Variants in COLEC11 observed in about 807,000 individuals in gnomAD.
COLEC11 encodes the protein collectin subfamily member 11.
A neutral mutation model predicts 27.3 loss-of-function variants in COLEC11; 20 were observed. The observed-to-expected ratio is 0.73, with a 90% confidence interval of 0.51 to 1.06. COLEC11 has a LOEUF of 1.06. COLEC11 is among the 50% of genes least tolerant of loss of function. The pLI is 0.00. For synonymous variants in COLEC11, 163 were observed against 154.7 expected, an observed-to-expected ratio of 1.05 and a Z score of -0.40; for missense variants, 310 against 383.0, an observed-to-expected ratio of 0.81 and a Z score of 1.59.
At chr2:3,637,694 T>C (rs1310886427) in intron 4 of COLEC11, 90 bp downstream of exon 4, 2 of 1,020,014 alleles carry the variant, frequency 2.0e-6, no homozygotes, top group African/African-American at 3.2e-5. Context: ...CTGAATTGTC[T>C]CGTCTGGTGC....
chr2:3,619,257 T>C (rs58911177), intron 3 of COLEC11, among the ~76,000 whole-genome samples: 14,987 of 151,914 alleles, frequency 0.099, 1,376 homozygotes, highest in African/African-American at 0.24. Flanking sequence ...CTTTCCACTT[T>C]CCTTTTTTCT....
intron 3 of COLEC11, among the ~76,000 whole-genome samples, chr2:3,632,957 A>G (rs540320359): frequency 6.6e-6 from 1 of 152,294 alleles, no homozygotes; most frequent in South Asian, 2.1e-4. Context: ...CACCTGAACA[A>G]AGAGCCAACT....
At chr2:3,613,980 C>CTTTCT (rs66517236) in intron 3 of COLEC11, among the ~76,000 whole-genome samples, 2 of 131,132 alleles carry the variant, frequency 1.5e-5, no homozygotes, top group Admixed American at 7.7e-5. Context: ...TTCTTTCTTT[C>CTTTCT]TTTTTTTTTT....
chr2:3,603,438 T>C (rs983149338), intron 1 of COLEC11: 2 of 557,434 alleles, frequency 3.6e-6, no homozygotes, highest in Non-Finnish European at 3.3e-6. Context: ...TGCCTCAGCC[T>C]CCCAAGTAGC....
rs968212094 is a variant in COLEC11, at chr2:3,644,211, T to C, written c.*93T>C. 1.3e-5 allele frequency: 20 copies of C among 1,530,278 alleles called. No individual in the cohort carries two copies. The highest frequency in any genetic ancestry group is 1.7e-5 in the Non-Finnish European group (19 of 1,120,388). 94.8% of individuals were successfully genotyped at this position (1,530,278 alleles called of 1,614,324 possible). On this transcript the variant is annotated 3_prime_UTR_variant, in exon 7 of 7. Coordinates refer to ENST00000349077, the MANE Select transcript of COLEC11 (RefSeq NM_024027.5). Reference sequence around the variant, plus strand: ...GACCATGGTGCCAGCCAGGGAGCTGTCCCTCTGTGAAGGGTGGAGGCTCAC... The same window carrying C: ...GACCATGGTGCCAGCCAGGGAGCTGCCCCTCTGTGAAGGGTGGAGGCTCAC...
At chr2:3,613,226 C>T in intron 2 of COLEC11, 85 bp from the exon 3 acceptor site, 1 of 1,429,076 alleles carries the variant, frequency 7.0e-7, no homozygotes, top group Non-Finnish European at 9.7e-7. Context: ...GGGGAGAACG[C>T]TTCTAACTGT....
At chr2:3,597,216 G>C (rs1661899529) in intron 1 of COLEC11, among the ~76,000 whole-genome samples, 1 of 152,102 alleles carries the variant, frequency 6.6e-6, no homozygotes, top group Non-Finnish European at 1.5e-5. Flanking sequence ...GGGCTGCTCC[G>C]GGGTCAGTGA....
At chr2:3,612,471 G>A (rs566746404) in intron 2 of COLEC11, among the ~76,000 whole-genome samples, 56 of 152,254 alleles carry the variant, frequency 3.7e-4, no homozygotes, top group Non-Finnish European at 6.6e-4. Flanking sequence ...GGCAGGCTGG[G>A]CAGAGGGCAC....
intron 2 of COLEC11, among the ~76,000 whole-genome samples, chr2:3,609,448 CA>C (rs1193467912): frequency 7.1e-6 from 1 of 141,048 alleles, no homozygotes; most frequent in African/African-American, 2.6e-5. Flanking sequence ...TAGCTAACTG[CA>C]GCCTGCAACT....
At position 3,604,335 on chromosome 2, in the gene COLEC11, C is replaced by T. The variant is rs1662464619; in HGVS notation, c.-6C>T. ...TGTAGGAGTTGGTGTCCTGCCTGCG[C>T]TCAGGATGAGGGGGAATCTGGCCCT... On this transcript the variant is annotated 5_prime_UTR_variant, in exon 2 of 7. Coordinates refer to ENST00000349077, the MANE Select transcript of COLEC11 (RefSeq NM_024027.5). 1.2e-6 allele frequency: 2 copies of T among 1,613,818 alleles called. No individual in the cohort carries two copies. The highest frequency in any genetic ancestry group is 1.3e-5 in the African/African-American group (1 of 74,830).
chr2:3,612,218 ACACG>A (rs71969547), intron 2 of COLEC11, among the ~76,000 whole-genome samples: 16,492 of 151,828 alleles, frequency 0.11, 1,105 homozygotes, highest in Non-Finnish European at 0.15. Context: ...ACATGCGGAC[ACACG>A]CACACACATG....
intron 2 of COLEC11, 30 bp downstream of exon 2, chr2:3,604,500 G>C (rs372814524): frequency 1.6e-4 from 265 of 1,612,722 alleles, no homozygotes; most frequent in Non-Finnish European, 2.2e-4. Context: ...TGGGCTGCTG[G>C]GCAGTGGCCT....
intron 2 of COLEC11, among the ~76,000 whole-genome samples, 175 bp from the exon 3 acceptor site, chr2:3,613,136 A>G (rs1298744457): frequency 1.4e-5 from 2 of 145,582 alleles, no homozygotes; most frequent in African/African-American, 2.8e-5. Context: ...AAGCAGAATC[A>G]GGGGCACCCA....
Position 3,605,004 on chromosome 2 carries a change from G to T in COLEC11, c.130+534G>T, listed in dbSNP as rs755338499. On this transcript the variant is annotated intron_variant, in intron 2 of 6. Transcript: ENST00000349077. ...GTTGCTTTGTCTGTAATCTGCTCCCGGATAGAGATAGTTCTGCAGGTGAGG... is the reference window on the plus strand; with the variant it reads ...GTTGCTTTGTCTGTAATCTGCTCCCTGATAGAGATAGTTCTGCAGGTGAGG... 3.4e-5 allele frequency: 16 copies of T among 469,194 alleles called. 1 individual carries two copies. The highest frequency in any genetic ancestry group is 2.5e-4 in the South Asian group (16 of 64,168). 29.1% of individuals were successfully genotyped at this position (469,194 alleles called of 1,614,324 possible). A position where few individuals can be genotyped will look rare whatever the true frequency, so the allele number is the denominator to read the frequency against.
chr2:3,643,719 C>A lies in COLEC11; in HGVS notation c.425-8C>A. 1 of 1,613,606 alleles carries A rather than the reference C, an allele frequency of 6.2e-7. No individual in the cohort carries two copies. Among genetic ancestry groups the A allele is most frequent in the South Asian group, 1.1e-5 (1 of 91,084 alleles). On this transcript the variant is annotated splice_region_variant and splice_polypyrimidine_tract_variant and intron_variant, in intron 6 of 6. Coordinates refer to ENST00000349077, the MANE Select transcript of COLEC11 (RefSeq NM_024027.5). The stretch of plus-strand genomic sequence containing the variant: ...GTGCTCACTTTTCAACCCTGCCTTA[C>A]CCCACAGCTGTCGCCGGTGTGCGCG...
chr2:3,606,279 G>A, intron 2 of COLEC11: 1 of 1,528,788 alleles, frequency 6.5e-7, no homozygotes, highest in Non-Finnish European at 8.9e-7. Flanking sequence ...CGTGGGGTGG[G>A]CTCCAGGGTC....
At chr2:3,603,610 C>A in intron 1 of COLEC11, 1 of 1,550,658 alleles carries the variant, frequency 6.4e-7, no homozygotes, top group Non-Finnish European at 8.7e-7. Flanking sequence ...AGCCACTGCG[C>A]CTGGTCTTGT....
Position 3,640,310 on chromosome 2 carries a change from C to G in COLEC11, c.307C>G (p.Pro103Ala), listed in dbSNP as rs773032227. 1.9e-6 allele frequency: 3 copies of G among 1,597,576 alleles called. No homozygotes were observed. Among genetic ancestry groups the G allele is most frequent in the East Asian group, 4.5e-5 (2 of 44,816 alleles). ...EKGDSGDIGP[P>A]GPNGEPGLPC... is the part of the protein sequence containing the mutation. ...AGGAGATTCCGGTGACATAGGACCC[C>G]CTGGTCCTAATGGAGAACCAGGTAT... The change falls in exon 5 of 7, where the codon CCT (proline) becomes GCT (alanine). Residue 103 changes from proline to alanine, a missense_variant. Coordinates refer to ENST00000349077, the MANE Select transcript of COLEC11 (RefSeq NM_024027.5).
At chr2:3,632,510 G>C (rs950250541) in intron 3 of COLEC11, among the ~76,000 whole-genome samples, 1 of 152,160 alleles carries the variant, frequency 6.6e-6, no homozygotes, top group Non-Finnish European at 1.5e-5. Flanking sequence ...CTCCATGCAT[G>C]CACAATCCCG....
Sources: allele counts gnomAD v4.1 joint callset (sites outside exome capture counted in the v4.1 genomes callset), GRCh38; gene constraint gnomAD v4.1.1; transcripts MANE v1.5; gene names NCBI Gene and HGNC (gene_info 2026-07-23, HGNC 2026-07-21).